TMBIM1: variants seen among roughly 807,000 people sequenced by gnomAD.
TMBIM1 encodes transmembrane BAX inhibitor motif containing 1.
Under a neutral mutation model 45.1 loss-of-function variants are expected in TMBIM1, and 34 were observed. The ratio of observed to expected loss-of-function variants is 0.75; its 90% CI spans 0.57 to 1.00. The LOEUF is 1.00. Among genes scored for constraint, TMBIM1 ranks in the 50% least tolerant of loss-of-function variants. TMBIM1 has a pLI of 0.00. For synonymous variants in TMBIM1, 157 were observed against 153.5 expected (o/e 1.02, Z -0.17); for missense variants, 374 against 402.4 (o/e 0.93, Z 0.60).
chr2:218,280,872 C>G (rs1381356988), intron 2 of TMBIM1: 2 of 131,788 alleles, frequency 1.5e-5, no homozygotes. Flanking sequence ...AGTGCAAAGG[C>G]GTGATCTCGG....
chr2:218,279,571 A>G (rs910804918), intron 3 of TMBIM1: 4 of 522,284 alleles, frequency 7.7e-6, no homozygotes, highest in Non-Finnish European at 1.4e-5. Context: ...GTCCAACACC[A>G]GCCTCGGTGA....
At chr2:218,283,850 C>A (rs1032714693) in intron 1 of TMBIM1, among the ~76,000 whole-genome samples, 4 of 151,942 alleles carry the variant, frequency 2.6e-5, no homozygotes, top group African/African-American at 9.7e-5. Context: ...TGGGATAGAA[C>A]CAGGGCAAGA....
intron 1 of TMBIM1, among the ~76,000 whole-genome samples, chr2:218,292,179 C>T (rs577912075): frequency 6.6e-6 from 1 of 152,346 alleles, no homozygotes; most frequent in African/African-American, 2.4e-5. Context: ...ACGAGGACAC[C>T]CCCAGACCCT....
chr2:218,277,554 C>G (rs1691351000), intron 8 of TMBIM1, 79 bp downstream of exon 8: 3 of 1,608,966 alleles, frequency 1.9e-6, no homozygotes. Context: ...TCCACCCACG[C>G]AGCTGGCTGC....
At chr2:218,277,517 C>G in intron 8 of TMBIM1, 64 bp from the exon 9 acceptor site, 1 of 1,607,916 alleles carries the variant, frequency 6.2e-7, no homozygotes, top group Non-Finnish European at 8.5e-7. Context: ...TTCAAAATCA[C>G]CACTTCCAGA....
intron 10 of TMBIM1, 59 bp from the exon 11 acceptor site, chr2:218,276,138 G>A: frequency 6.3e-7 from 1 of 1,576,068 alleles, no homozygotes; most frequent in Non-Finnish European, 8.7e-7. Context: ...CAGGCCCACA[G>A]GCCCCAGCTT....
intron 1 of TMBIM1, among the ~76,000 whole-genome samples, chr2:218,288,264 T>G (rs559412701): frequency 1.3e-5 from 2 of 152,042 alleles, no homozygotes; most frequent in African/African-American, 2.4e-5. Flanking sequence ...CCATCTCTAC[T>G]AAAAAATACA....
At position 218,279,369 on chromosome 2, in the gene TMBIM1, C is replaced by T. The variant is rs1454393615; in HGVS notation, c.304-16G>A. 4.5e-6 allele frequency: 7 copies of T among 1,542,060 alleles called. No homozygotes were observed. The highest frequency in any genetic ancestry group is 2.8e-5 in the African/African-American group (2 of 72,420). Reference sequence around the variant, plus strand: ...TGGAGTAAACCTGGACACAGACGGCCGGGCATGGGTCACCATCCGGCACCC... The same window carrying T: ...TGGAGTAAACCTGGACACAGACGGCTGGGCATGGGTCACCATCCGGCACCC... On this transcript the variant is annotated splice_polypyrimidine_tract_variant and intron_variant, in intron 3 of 11. Coordinates refer to ENST00000258412, the MANE Select transcript of TMBIM1 (RefSeq NM_022152.6).
chr2:218,282,985 C>A (rs1692184297), intron 1 of TMBIM1, among the ~76,000 whole-genome samples: 1 of 152,194 alleles, frequency 6.6e-6, no homozygotes, highest in African/African-American at 2.4e-5. Context: ...TGCACGGCCC[C>A]TCGCCCTCCC....
chr2:218,284,499 A>G (rs11692830), intron 1 of TMBIM1, among the ~76,000 whole-genome samples: 147,435 of 152,366 alleles, frequency 0.97, 71,474 homozygotes, highest in East Asian at 1. Flanking sequence ...CGGATGGGCC[A>G]CGGGGACTCC....
In TMBIM1 at chr2:218,274,240, C is replaced by A. The variant is rs1184877480; in HGVS notation, c.*1235G>T. 6.5e-6 allele frequency: 1 copy of A among 154,924 alleles called. No homozygotes were observed. The highest frequency in any genetic ancestry group is 1.5e-5 in the Non-Finnish European group (1 of 68,230). 9.6% of individuals were successfully genotyped at this position (154,924 alleles called of 1,614,324 possible). ...AACTTTATTACATTTATAGTTGTAT[C>A]CCTTTGTGTGATATAGTTAGGATTT... On this transcript the variant is annotated 3_prime_UTR_variant, in exon 12 of 12. Transcript: ENST00000258412.
chr2:218,280,277 ACACCCTC>A, intron 2 of TMBIM1, 151 bp from the exon 3 acceptor site: 2 of 636,430 alleles, frequency 3.1e-6, no homozygotes, highest in Non-Finnish European at 5.6e-6. Context: ...GGTCTTCTAG[ACACCCTC>A]AGAGTGACCC....
rs189349414 is a variant in TMBIM1 at position 218,278,100 on chromosome 2, T to C, written c.474-126A>G. 60 of 1,100,984 alleles carry C rather than the reference T, an allele frequency of 5.4e-5. No homozygotes were observed. The East Asian group carries it at 6.6e-4, about 12-fold the overall frequency. 68.2% of individuals were successfully genotyped at this position (1,100,984 alleles called of 1,614,324 possible). A position where few individuals can be genotyped will look rare whatever the true frequency, so the allele number is the denominator to read the frequency against. The stretch of plus-strand genomic sequence containing the variant: ...TAAGCCTTGACTCCAAGGAGGGAGG[T>C]TGGCATGGCCTTTGGCACCTGTTCA... On this transcript the variant is annotated intron_variant, in intron 6 of 11. Transcript: ENST00000258412.
At position 218,279,030 on chromosome 2, in the gene TMBIM1, ACACT is replaced by A; in HGVS notation, c.422+4_422+7del. 1 of 1,614,144 alleles carries A rather than the reference ACACT, an allele frequency of 6.2e-7. No individual in the cohort carries two copies. Among genetic ancestry groups the A allele is most frequent in the Non-Finnish European group, 8.5e-7 (1 of 1,179,990 alleles). On this transcript the variant is annotated splice_donor_5th_base_variant and intron_variant, in intron 5 of 11. Coordinates refer to ENST00000258412, the MANE Select transcript of TMBIM1 (RefSeq NM_022152.6). ...TCCCTGCCCAACCACAGAGGAGCAC[ACACT>A]CACTAGGACACGTAGTAGACAGCCA...
Position 218,282,201 on chromosome 2 carries a change from A to C in TMBIM1, c.-40-20T>G. On this transcript the variant is annotated intron_variant, in intron 1 of 11. Coordinates refer to ENST00000258412, the MANE Select transcript of TMBIM1 (RefSeq NM_022152.6). Reference sequence around the variant, plus strand: ...TGGGACCTGAAATGGGAGAGGAGAAAAGCAATCGTGAATGCCCAGGCCCAG... The same window carrying C: ...TGGGACCTGAAATGGGAGAGGAGAACAGCAATCGTGAATGCCCAGGCCCAG... The C allele has an allele frequency of 1.5e-6, 2 of 1,340,006 alleles. No homozygotes were observed. The highest frequency in any genetic ancestry group is 2.0e-6 in the Non-Finnish European group (2 of 1,012,768). The allele number at this position is 1,340,006 out of a possible 1,614,324, so 83.0% of individuals were successfully genotyped here. A position where few individuals can be genotyped will look rare whatever the true frequency, so the allele number is the denominator to read the frequency against.
chr2:218,279,401 T>G (rs1691626999), intron 3 of TMBIM1, 48 bp from the exon 4 acceptor site: 1 of 1,498,552 alleles, frequency 6.7e-7, no homozygotes, highest in African/African-American at 1.4e-5. Context: ...ACCCCTGGCC[T>G]GCCCCAGGAA....
rs377493085 is a variant in TMBIM1 at position 218,276,009 on chromosome 2, G to A, written c.789+17C>T. 3.1e-5 allele frequency: 50 copies of A among 1,608,764 alleles called. No individual in the cohort carries two copies. The highest frequency in any genetic ancestry group is 4.2e-5 in the Non-Finnish European group (49 of 1,177,742). ...CATCCCCTCAGCTCCCCTTCCTAGA[G>A]TGGGGCTGGGACTTACCAGGGTGAA... On this transcript the variant is annotated intron_variant, in intron 11 of 11. Coordinates refer to ENST00000258412, the MANE Select transcript of TMBIM1 (RefSeq NM_022152.6).
chr2:218,275,702 G>A (rs982500196), intron 11 of TMBIM1, 81 bp from the exon 12 acceptor site: 28 of 1,526,278 alleles, frequency 1.8e-5, no homozygotes, highest in Non-Finnish European at 2.4e-5. Flanking sequence ...TTTGTCTTGG[G>A]GGCCTATGCG....
intron 8 of TMBIM1, 39 bp from the exon 9 acceptor site, chr2:218,277,492 C>G (rs373391185): frequency 1.2e-4 from 188 of 1,610,766 alleles, no homozygotes; most frequent in Non-Finnish European, 1.6e-4. Flanking sequence ...AGGCATTAAG[C>G]CACGTATGAA....
Sources: allele counts gnomAD v4.1 joint callset (sites outside exome capture counted in the v4.1 genomes callset), GRCh38; gene constraint gnomAD v4.1.1; transcripts MANE v1.5; gene names NCBI Gene and HGNC (gene_info 2026-07-23, HGNC 2026-07-21).